The following LCOR variants were observed in gnomAD, a reference collection of about 807,000 sequenced individuals.
LCOR encodes ligand-dependent corepressor.
In LCOR, 14 loss-of-function variants were observed where a neutral mutation model predicts 64.4. The ratio of observed to expected loss-of-function variants is 0.22; its 90% confidence interval spans 0.14 to 0.34. The LOEUF (loss-of-function observed/expected upper bound fraction) is 0.34. Ranked by LOEUF, LCOR falls within the 10% of genes least tolerant of loss-of-function variation. The pLI is 1.00. For synonymous variants in LCOR, 643 were observed against 642.5 expected (o/e 1.00, Z -0.01); for missense variants, 1,686 against 1,765.3 (o/e 0.96, Z 0.80).
intron 4 of LCOR, among the ~76,000 whole-genome samples, chr10:96,927,884 G>C (rs1847195497): frequency 6.6e-6 from 1 of 152,010 alleles, no homozygotes; most frequent in Admixed American, 6.6e-5. Flanking sequence ...TTATTTTTTT[G>C]GTTTCCCAGT....
intron 2 of LCOR, among the ~76,000 whole-genome samples, chr10:96,881,512 A>G (rs1846262321): frequency 6.6e-6 from 1 of 151,160 alleles, no homozygotes; most frequent in Non-Finnish European, 1.5e-5. Context: ...GCTGGAGTGC[A>G]GTGGCGCAGT....
intron 2 of LCOR, among the ~76,000 whole-genome samples, chr10:96,854,177 C>T (rs1589606990): frequency 6.6e-6 from 1 of 152,068 alleles, no homozygotes; most frequent in Admixed American, 6.6e-5. Context: ...AATGAGATAG[C>T]TCGTTGACTA....
chr10:96,866,124 C>T (rs749677062), intron 2 of LCOR, among the ~76,000 whole-genome samples: 6 of 152,036 alleles, frequency 3.9e-5, no homozygotes, highest in Non-Finnish European at 5.9e-5. Flanking sequence ...CCTTTTTTAG[C>T]GGATTTACTG....
intron 2 of LCOR, among the ~76,000 whole-genome samples, chr10:96,867,474 A>G (rs191095170): frequency 2.6e-5 from 4 of 152,256 alleles, no homozygotes; most frequent in East Asian, 1.9e-4. Flanking sequence ...GCATGTACCA[A>G]TAGTCCCAGC....
Position 96,832,327 on chromosome 10 carries a change from C to A in LCOR, c.-476C>A. 1.0e-6 allele frequency: 1 copy of A among 984,300 alleles called. No individual in the cohort carries two copies. 61.0% of individuals were successfully genotyped at this position (984,300 alleles called of 1,614,324 possible). On this transcript the variant is annotated 5_prime_UTR_variant, in exon 1 of 8. Transcript: ENST00000421806. ...GATGGCGAGGGTGTGTAGGCGGCAG[C>A]AATGCTCCGTTGAGAGACGCGGCTT... is the stretch of plus-strand genomic sequence containing the variant.
chr10:96,850,256 C>T (rs1017367888), intron 2 of LCOR, among the ~76,000 whole-genome samples: 1 of 152,024 alleles, frequency 6.6e-6, no homozygotes, highest in Non-Finnish European at 1.5e-5. Flanking sequence ...TGTCATGAAG[C>T]GGAAAGATCA....
At chr10:96,836,578 A>G (rs1845445104) in intron 2 of LCOR, among the ~76,000 whole-genome samples, 1 of 152,204 alleles carries the variant, frequency 6.6e-6, no homozygotes, top group African/African-American at 2.4e-5. Flanking sequence ...ATGTAATGTA[A>G]TCGATCAGTT....
At chr10:96,853,620 T>G (rs1049484673) in intron 2 of LCOR, among the ~76,000 whole-genome samples, 1 of 152,194 alleles carries the variant, frequency 6.6e-6, no homozygotes, top group African/African-American at 2.4e-5. Flanking sequence ...TGGGGTGATT[T>G]GGCTGATGTA....
At chr10:96,859,250 GC>G (rs1217645490) in intron 2 of LCOR, among the ~76,000 whole-genome samples, 2 of 152,150 alleles carry the variant, frequency 1.3e-5, no homozygotes, top group Non-Finnish European at 2.9e-5. Context: ...GGCATCTGTT[GC>G]CCGGCTGGAG....
chr10:96,860,106 T>G (rs11188950), intron 2 of LCOR, among the ~76,000 whole-genome samples: 8,647 of 152,182 alleles, frequency 0.057, 562 homozygotes, highest in East Asian at 0.28. Flanking sequence ...TGGATATAGG[T>G]TAGGCAAAAA....
rs1848176909 is a variant in LCOR at position 96,989,461 on chromosome 10, T to C, written c.*4327T>C. 6.6e-6 allele frequency: 1 copy of C among 152,002 alleles called. No individual in the cohort carries two copies. The highest frequency in any genetic ancestry group is 1.5e-5 in the Non-Finnish European group (1 of 68,014). 9.4% of individuals were successfully genotyped at this position (152,002 alleles called of 1,614,324 possible). A position where few individuals can be genotyped will look rare whatever the true frequency, so the allele number is the denominator to read the frequency against. ...GAGTAGAAACAAAGTCTGATCACAA[T>C]CCCAAAGCTTTGTTTATTCTTATAT... On this transcript the variant is annotated 3_prime_UTR_variant, in exon 8 of 8. Transcript: ENST00000421806.
intron 2 of LCOR, among the ~76,000 whole-genome samples, chr10:96,843,934 C>G (rs2134368127): frequency 6.6e-6 from 1 of 152,262 alleles, no homozygotes; most frequent in Non-Finnish European, 1.5e-5. Flanking sequence ...TACTGTGTGA[C>G]AGACAAGAGA....
chr10:96,851,806 C>T (rs1249515248), intron 2 of LCOR, among the ~76,000 whole-genome samples: 13 of 152,184 alleles, frequency 8.5e-5, no homozygotes, highest in Non-Finnish European at 1.5e-5. Context: ...GACTGAAAGC[C>T]TGACGTTGTT....
At chr10:96,870,794 C>T (rs1036106400) in intron 2 of LCOR, among the ~76,000 whole-genome samples, 4 of 152,112 alleles carry the variant, frequency 2.6e-5, no homozygotes, top group Non-Finnish European at 2.9e-5. Flanking sequence ...AGAATCAAGT[C>T]GCTCATGAGT....
chr10:96,911,306 C>CAGGCTG (rs1308494431), intron 4 of LCOR, among the ~76,000 whole-genome samples: 2 of 152,060 alleles, frequency 1.3e-5, no homozygotes, highest in Admixed American at 6.5e-5. Flanking sequence ...CCGTGTTGGC[C>CAGGCTG]AGGCTGGTCT....
Position 96,872,228 on chromosome 10 carries a change from A to C in LCOR, c.-329-35037A>C, listed in dbSNP as rs200586783. Among the ~76,000 whole-genome samples, 3 of 152,376 alleles carry C rather than the reference A, an allele frequency of 2.0e-5. No individual in the cohort carries two copies. The East Asian group carries it at 5.8e-4, about 29-fold the overall frequency. On this transcript the variant is annotated intron_variant, in intron 2 of 7. Coordinates refer to ENST00000421806, the MANE Select transcript of LCOR (RefSeq NM_001346516.2). Reference sequence around the variant, plus strand: ...CACATATGGCTTATGCCATTACCGCAGTGTCAGTAAAAAGTATTGCTGAAC... The same window carrying C: ...CACATATGGCTTATGCCATTACCGCCGTGTCAGTAAAAAGTATTGCTGAAC...
chr10:96,874,152 A>G (rs1429799223), intron 2 of LCOR, among the ~76,000 whole-genome samples: 1 of 152,312 alleles, frequency 6.6e-6, no homozygotes, highest in South Asian at 2.1e-4. Flanking sequence ...ACTCTATTAG[A>G]TATTTTGTAG....
rs58390684 is a variant in LCOR at position 96,989,695 on chromosome 10, A to ATTTTTTT, written c.*4579_*4585dup. The stretch of plus-strand genomic sequence containing the variant: ...TAAGGATATATATATATATATATAT[A>ATTTTTTT]TTTTTTTTTTTTTTTTTTTTTTTTA... On this transcript the variant is annotated 3_prime_UTR_variant, in exon 8 of 8. Transcript: ENST00000421806. 1.2e-5 allele frequency: 1 copy of ATTTTTTT among 86,190 alleles called. No individual in the cohort carries two copies. Among genetic ancestry groups the ATTTTTTT allele is most frequent in the African/African-American group, 6.2e-5 (1 of 16,156 alleles). 5.3% of individuals were successfully genotyped at this position (86,190 alleles called of 1,614,324 possible).
intron 2 of LCOR, among the ~76,000 whole-genome samples, chr10:96,873,572 GTGTGTGTGTGTGT>G (rs1846111473): frequency 2.6e-4 from 1 of 3,806 alleles, no homozygotes. Context: ...ACACACACAC[GTGTGTGTGTGTGT>G]GTGTGTGTGT....
Sources: allele counts gnomAD v4.1 joint callset (sites outside exome capture counted in the v4.1 genomes callset), GRCh38; gene constraint gnomAD v4.1.1; transcripts MANE v1.5; gene names NCBI Gene and HGNC (gene_info 2026-07-23, HGNC 2026-07-21).